The following MACROH2A1 variants were observed in gnomAD, a reference collection of about 807,000 sequenced individuals.
The protein encoded by MACROH2A1 is core histone macro-H2A.1.
A neutral mutation model predicts 31.6 loss-of-function variants in MACROH2A1; 2 were observed. That is an observed-to-expected ratio of 0.06 (90% CI 0.03 to 0.20). The LOEUF is 0.20. MACROH2A1 is among the 10% of genes least tolerant of loss of function. MACROH2A1 has a pLI of 1.00. For synonymous variants in MACROH2A1, 169 were observed against 189.6 expected (o/e 0.89, Z 0.89); for missense variants, 230 against 474.0 (o/e 0.49, Z 4.78).
chr5:135,389,192 A>T (rs1479717800), intron 1 of MACROH2A1, 66 bp from the exon 2 acceptor site: 2 of 1,266,248 alleles, frequency 1.6e-6, no homozygotes, highest in Non-Finnish European at 2.2e-6. Context: ...TTCCAGGTAC[A>T]CTCTAGTCCC....
intron 2 of MACROH2A1, among the ~76,000 whole-genome samples, chr5:135,371,334 A>AT (rs1764151620): frequency 6.6e-6 from 1 of 152,244 alleles, no homozygotes; most frequent in Non-Finnish European, 1.5e-5. Flanking sequence ...AAAATAATAG[A>AT]TTTTAAAAGT....
At chr5:135,338,060 T>TACAA in intron 8 of MACROH2A1, 1 of 1,078,562 alleles carries the variant, frequency 9.3e-7, no homozygotes, top group Non-Finnish European at 1.2e-6. Flanking sequence ...AATGTCTTGC[T>TACAA]GCCAGTTAGA....
intron 5 of MACROH2A1, chr5:135,356,859 A>C (rs1262299165): frequency 6.6e-6 from 1 of 152,222 alleles, no homozygotes; most frequent in Non-Finnish European, 1.5e-5. Flanking sequence ...TGTTAAAGAT[A>C]GTGCCTGAGT....
At chr5:135,387,000 G>A (rs951764633) in intron 2 of MACROH2A1, among the ~76,000 whole-genome samples, 22 of 152,362 alleles carry the variant, frequency 1.4e-4, no homozygotes, top group African/African-American at 5.3e-4. Context: ...GCAGCCTGGA[G>A]TTGGAGTAGG....
intron 5 of MACROH2A1, 67 bp from the exon 6 acceptor site, chr5:135,353,112 G>A (rs1761774910): frequency 4.0e-6 from 4 of 1,005,238 alleles, no homozygotes; most frequent in South Asian, 1.3e-5. Context: ...GGAGCCTTGG[G>A]ATACAGGTAA....
chr5:135,365,465 G>A (rs575314387), intron 4 of MACROH2A1, among the ~76,000 whole-genome samples: 3 of 152,062 alleles, frequency 2.0e-5, no homozygotes, highest in African/African-American at 4.8e-5. Flanking sequence ...CTGCCATCAC[G>A]CCACTTTATT....
intron 8 of MACROH2A1, among the ~76,000 whole-genome samples, chr5:135,339,543 G>A (rs1445911451): frequency 6.6e-6 from 1 of 152,198 alleles, no homozygotes; most frequent in Non-Finnish European, 1.5e-5. Flanking sequence ...AGATTTTTCT[G>A]GAGCAGACAG....
At chr5:135,337,584 C>T (rs949859683) in intron 8 of MACROH2A1, among the ~76,000 whole-genome samples, 9 of 152,236 alleles carry the variant, frequency 5.9e-5, no homozygotes, top group African/African-American at 1.9e-4. Flanking sequence ...CAAGCTTTAG[C>T]CTGCATCAGA....
intron 4 of MACROH2A1, chr5:135,362,631 C>T (rs1156599546): frequency 2.0e-5 from 3 of 152,092 alleles, no homozygotes; most frequent in African/African-American, 7.2e-5. Context: ...AAAATCCACC[C>T]AGCCCATTAC....
chr5:135,389,180 C>G, intron 1 of MACROH2A1, 54 bp from the exon 2 acceptor site: 1 of 1,387,328 alleles, frequency 7.2e-7, no homozygotes, highest in Non-Finnish European at 9.9e-7. Flanking sequence ...CACATGTCCC[C>G]TTTCCAGGTA....
chr5:135,364,613 G>C (rs766171489), intron 4 of MACROH2A1, among the ~76,000 whole-genome samples: 2 of 152,184 alleles, frequency 1.3e-5, no homozygotes, highest in Admixed American at 6.5e-5. Flanking sequence ...TTTGTTCTGA[G>C]CAGCAGAAAA....
At chr5:135,346,555 C>T (rs1304055052) in intron 6 of MACROH2A1, 1 of 156,132 alleles carries the variant, frequency 6.4e-6, no homozygotes, top group Non-Finnish European at 1.4e-5. Flanking sequence ...AGTGTTCATA[C>T]CTGGCCACCT....
At chr5:135,347,798 C>T (rs1761038168) in intron 6 of MACROH2A1, among the ~76,000 whole-genome samples, 2 of 152,200 alleles carry the variant, frequency 1.3e-5, no homozygotes, top group Non-Finnish European at 2.9e-5. Context: ...CCCAGTCTAG[C>T]CTTCTGTCTT....
At chr5:135,365,411 TGA>T (rs911864784) in intron 4 of MACROH2A1, among the ~76,000 whole-genome samples, 35 of 152,264 alleles carry the variant, frequency 2.3e-4, no homozygotes, top group African/African-American at 8.2e-4. Context: ...TCCAGTATCA[TGA>T]GAGTAACCTC....
intron 5 of MACROH2A1, chr5:135,354,987 C>T (rs1298328063): frequency 2.3e-6 from 1 of 433,486 alleles, no homozygotes; most frequent in African/African-American, 2.0e-5. Flanking sequence ...CTATAAATTC[C>T]TATGTTTAAA....
intron 5 of MACROH2A1, chr5:135,355,520 T>G (rs1762075714): frequency 3.5e-6 from 1 of 281,970 alleles, no homozygotes; most frequent in Non-Finnish European, 7.0e-6. Flanking sequence ...TTTTTTGCTG[T>G]AAAATGTGTA....
intron 5 of MACROH2A1, chr5:135,358,194 A>G: frequency 2.0e-6 from 2 of 985,418 alleles, no homozygotes; most frequent in Non-Finnish European, 2.4e-6. Context: ...ATAGCCAATA[A>G]AAAGCCAGAA....
chr5:135,375,085 G>A (rs566563489), intron 2 of MACROH2A1, among the ~76,000 whole-genome samples: 1 of 152,346 alleles, frequency 6.6e-6, no homozygotes, highest in African/African-American at 2.4e-5. Context: ...GGAACAAGTT[G>A]AATGGTGAGC....
chr5:135,358,945 C>T, intron 5 of MACROH2A1: 1 of 985,410 alleles, frequency 1.0e-6, no homozygotes. Flanking sequence ...TGGTGTTTGC[C>T]CCCTCCCCTC....
Sources: allele counts gnomAD v4.1 joint callset (sites outside exome capture counted in the v4.1 genomes callset), GRCh38; gene constraint gnomAD v4.1.1; transcripts MANE v1.5; gene names NCBI Gene and HGNC (gene_info 2026-07-23, HGNC 2026-07-21).